Variants in SERPINI2 observed in about 807,000 individuals in gnomAD.
SERPINI2 encodes serpin family I member 2.
SERPINI2 carries 48 observed loss-of-function variants against 47.3 expected under a neutral mutation model. The ratio of observed to expected loss-of-function variants is 1.02; its 90% confidence interval spans 0.81 to 1.29. The LOEUF (loss-of-function observed/expected upper bound fraction) is 1.29. SERPINI2 is among the 50% of genes most tolerant of loss of function. The probability of loss-of-function intolerance (pLI) is 0.00; values close to 1 mark genes in which losing one functional copy is unlikely to be tolerated. For synonymous variants in SERPINI2, 135 were observed against 149.3 expected (o/e 0.90, Z 0.70); for missense variants, 448 against 456.9 (o/e 0.98, Z 0.18).
At chr3:167,467,339 C>A (rs1560236161) in intron 2 of SERPINI2, 54 bp from the exon 3 acceptor site, 1 of 1,297,836 alleles carries the variant, frequency 7.7e-7, no homozygotes, top group South Asian at 1.4e-5. Flanking sequence ...AAAACAACAG[C>A]TTTTCAGCTT....
At chr3:167,459,015 G>A (rs1341526387) in intron 5 of SERPINI2, among the ~76,000 whole-genome samples, 1 of 151,650 alleles carries the variant, frequency 6.6e-6, no homozygotes, top group Non-Finnish European at 1.5e-5. Context: ...CTTCTACAGA[G>A]AAGAATCTGG....
intron 6 of SERPINI2, 91 bp downstream of exon 6, chr3:167,452,845 T>C: frequency 1.4e-6 from 1 of 731,442 alleles, no homozygotes; most frequent in South Asian, 1.9e-5. Flanking sequence ...TTATCAGAGC[T>C]GAATGCTCTT....
intron 6 of SERPINI2, among the ~76,000 whole-genome samples, chr3:167,450,443 C>A (rs892260415): frequency 1.3e-5 from 2 of 152,114 alleles, no homozygotes; most frequent in African/African-American, 2.4e-5. Context: ...GTCAAGCTGG[C>A]CTTGCAAGAC....
At chr3:167,471,988 G>T in intron 1 of SERPINI2, 144 bp from the exon 2 acceptor site, 1 of 589,210 alleles carries the variant, frequency 1.7e-6, no homozygotes, top group Non-Finnish European at 3.0e-6. Flanking sequence ...AGATTTCTAA[G>T]TATCATCTAT....
At chr3:167,466,976 C>A in intron 3 of SERPINI2, 79 bp downstream of exon 3, 1 of 927,132 alleles carries the variant, frequency 1.1e-6, no homozygotes, top group Non-Finnish European at 1.6e-6. Context: ...GGAAAATATT[C>A]AGCCATTCTT....
chr3:167,451,575 C>T (rs1749641502), intron 6 of SERPINI2, among the ~76,000 whole-genome samples: 1 of 152,162 alleles, frequency 6.6e-6, no homozygotes, highest in Non-Finnish European at 1.5e-5. Flanking sequence ...ATAGGTAACT[C>T]AAGAGGGAAA....
chr3:167,446,548 T>C lies in SERPINI2; in HGVS notation c.1052-67A>G, dbSNP rs2108150665. 4 of 1,039,582 alleles carry C rather than the reference T, an allele frequency of 3.8e-6. No homozygotes were observed. The East Asian group carries it at 9.8e-5, about 25-fold the overall frequency. The allele number at this position is 1,039,582 out of a possible 1,614,324, so 64.4% of individuals were successfully genotyped here. On this transcript the variant is annotated intron_variant, in intron 7 of 8. Coordinates refer to ENST00000264677, the Ensembl canonical transcript of SERPINI2. ...AAGATCAGTAAAGAAAGTATATTCA[T>C]AATACATTTTGTAGACAGGAAAAGT...
intron 6 of SERPINI2, among the ~76,000 whole-genome samples, chr3:167,450,500 T>C (rs1181565035): frequency 6.6e-6 from 1 of 152,216 alleles, no homozygotes; most frequent in East Asian, 1.9e-4. Flanking sequence ...AAGCATGCTC[T>C]AGAAAACTGC....
At chr3:167,465,144 C>T in intron 5 of SERPINI2, 62 bp downstream of exon 5, 1 of 1,384,446 alleles carries the variant, frequency 7.2e-7, no homozygotes, top group Non-Finnish European at 1.0e-6. Flanking sequence ...TTTCAGCTGA[C>T]TGCTCAAATT....
intron 5 of SERPINI2, among the ~76,000 whole-genome samples, chr3:167,462,798 T>G (rs904150936): frequency 6.6e-6 from 1 of 151,956 alleles, no homozygotes; most frequent in South Asian, 2.1e-4. Context: ...ACTGTGGGAA[T>G]AGTTGTATGG....
intron 5 of SERPINI2, among the ~76,000 whole-genome samples, chr3:167,454,677 T>G (rs1392680916): frequency 6.6e-6 from 1 of 152,194 alleles, no homozygotes; most frequent in Non-Finnish European, 1.5e-5. Context: ...GAGAGTCATT[T>G]AAGTAACAGT....
intron 5 of SERPINI2, among the ~76,000 whole-genome samples, chr3:167,454,695 A>G (rs1749737212): frequency 6.6e-6 from 1 of 152,184 alleles, no homozygotes; most frequent in African/African-American, 2.4e-5. Context: ...AGTCCTGCTC[A>G]TAATATAGTC....
chr3:167,454,310 G>A (rs772550735), intron 5 of SERPINI2, among the ~76,000 whole-genome samples: 5 of 152,192 alleles, frequency 3.3e-5, no homozygotes, highest in Non-Finnish European at 5.9e-5. Context: ...AAAACAATAT[G>A]TTTTTTTGGA....
rs755261133 is a variant in SERPINI2, at chr3:167,467,271, CA to C, written c.261del (p.Phe87LeufsTer3). Reference sequence around the variant, plus strand: ...ATGGCAGAGAAAAATGACTTCAGTACAAAAAATTCTTCCCCTAGAAAATAAT... The same window carrying C: ...ATGGCAGAGAAAAATGACTTCAGTACAAAAATTCTTCCCCTAGAAAATAAT... On this transcript the variant is annotated frameshift_variant, in exon 3 of 9. Transcript: ENST00000264677. LOFTEE classifies it high-confidence loss of function. 2.5e-6 allele frequency: 4 copies of C among 1,608,200 alleles called. No individual in the cohort carries two copies. The highest frequency in any genetic ancestry group is 3.4e-6 in the Non-Finnish European group (4 of 1,177,852).
intron 5 of SERPINI2, among the ~76,000 whole-genome samples, chr3:167,457,894 AG>A (rs760270966): frequency 2.0e-5 from 3 of 152,208 alleles, no homozygotes; most frequent in Non-Finnish European, 4.4e-5. Context: ...GACAAATAGA[AG>A]TTTTATAGAA....
chr3:167,458,452 C>T (rs1225780732), intron 5 of SERPINI2, among the ~76,000 whole-genome samples: 5 of 144,958 alleles, frequency 3.4e-5, no homozygotes, highest in South Asian at 2.1e-4. Context: ...TTAGTAGAGA[C>T]GGGGTTTAAC....
intron 5 of SERPINI2, among the ~76,000 whole-genome samples, chr3:167,459,949 G>C (rs1042049101): frequency 6.6e-6 from 1 of 152,124 alleles, no homozygotes; most frequent in East Asian, 1.9e-4. Flanking sequence ...GAAATAATTG[G>C]AGTGATTTAT....
At chr3:167,465,795 C>T (rs1378264231) in intron 3 of SERPINI2, 122 bp from the exon 4 acceptor site, 2 of 704,782 alleles carry the variant, frequency 2.8e-6, no homozygotes, top group Middle Eastern at 3.4e-4. Flanking sequence ...GGCATGTTAT[C>T]ATCTAAATAT....
intron 8 of SERPINI2, among the ~76,000 whole-genome samples, chr3:167,443,359 A>G (rs1354740657): frequency 2.0e-5 from 3 of 152,152 alleles, no homozygotes; most frequent in Admixed American, 1.3e-4. Flanking sequence ...CTCCCGCCTC[A>G]GCCTCCCAAA....
Sources: allele counts gnomAD v4.1 joint callset (sites outside exome capture counted in the v4.1 genomes callset), GRCh38; gene constraint gnomAD v4.1.1; transcripts MANE v1.5; gene names NCBI Gene and HGNC (gene_info 2026-07-23, HGNC 2026-07-21).